Variants in RHCE observed in about 807,000 individuals in gnomAD.
The protein encoded by RHCE is Rh blood group CcEe antigens.
In RHCE, 22 loss-of-function variants were observed where a neutral mutation model predicts 43.8. The ratio of observed to expected loss-of-function variants is 0.50; its 90% CI spans 0.36 to 0.72. The LOEUF (loss-of-function observed/expected upper bound fraction) is 0.72. Ranked by LOEUF, RHCE falls within the 30% of genes least tolerant of loss-of-function variation. RHCE has a pLI of 0.00. For synonymous variants in RHCE, 156 were observed against 210.7 expected (o/e 0.74, Z 2.25); for missense variants, 385 against 525.4 (o/e 0.73, Z 2.61).
At chr1:25,393,597 G>A (rs679429) in intron 3 of RHCE, among the ~76,000 whole-genome samples, 90,813 of 151,208 alleles carry the variant, frequency 0.6, 27,370 homozygotes, top group Admixed American at 0.69. Context: ...CTCCAGCTTC[G>A]GCGACAGAGT....
upstream of RHCE, among the ~76,000 whole-genome samples, chr1:25,424,648 A>G (rs894133986): frequency 6.6e-6 from 1 of 151,886 alleles, no homozygotes; most frequent in African/African-American, 2.4e-5. Context: ...TCGAACTCCC[A>G]AAGTGCTGGG....
intron 4 of RHCE, among the ~76,000 whole-genome samples, chr1:25,391,503 T>G (rs1646362900): frequency 6.6e-6 from 1 of 152,048 alleles, no homozygotes; most frequent in South Asian, 2.1e-4. Flanking sequence ...CTTATTTTTT[T>G]TTTTTTAATG....
At chr1:25,425,382 G>A (rs1378425052), upstream of RHCE, among the ~76,000 whole-genome samples, 2 of 152,166 alleles carry the variant, frequency 1.3e-5, no homozygotes, top group Non-Finnish European at 2.9e-5. Context: ...GGAAACTGCT[G>A]CTCAGAGAGG....
rs1196388186 is a variant in RHCE at position 25,385,809 on chromosome 1, G to A, written c.975C>T (p.Ile325=). The A allele has an allele frequency of 6.2e-7, 1 of 1,614,056 alleles. No individual in the cohort carries two copies. Among genetic ancestry groups the A allele is most frequent in the Admixed American group, 1.7e-5 (1 of 60,016 alleles). The change falls in exon 7 of 10, where the codon ATC becomes ATT. Residue 325 remains isoleucine, a synonymous_variant. Coordinates refer to ENST00000294413, the MANE Select transcript of RHCE (RefSeq NM_020485.8). ...CCNRVLGIHH[I]SVMHSIFSLL... Reference sequence around the variant, plus strand: ...AGCTGAAGATGGAGTGCATGACGGAGATGTGGTGAATCCCCAGCACTCGGT... The same window carrying A: ...AGCTGAAGATGGAGTGCATGACGGAAATGTGGTGAATCCCCAGCACTCGGT...
intron 9 of RHCE, among the ~76,000 whole-genome samples, chr1:25,370,141 T>A (rs1645564112): frequency 6.6e-6 from 1 of 151,576 alleles, no homozygotes; most frequent in Non-Finnish European, 1.5e-5. Context: ...CATTGCGGGG[T>A]TCTGTCACCC....
At chr1:25,424,905 C>T (rs1248156301), upstream of RHCE, among the ~76,000 whole-genome samples, 1 of 151,968 alleles carries the variant, frequency 6.6e-6, no homozygotes, top group Non-Finnish European at 1.5e-5. Context: ...CAACTTCTGC[C>T]TTTTAGGTTC....
chr1:25,412,328 G>A (rs1647106919), intron 1 of RHCE, among the ~76,000 whole-genome samples: 1 of 152,132 alleles, frequency 6.6e-6, no homozygotes. Flanking sequence ...TACTCTCTAA[G>A]GCTTTTACAG....
At chr1:25,412,730 A>AT (rs1557640657) in intron 1 of RHCE, among the ~76,000 whole-genome samples, 96 of 149,360 alleles carry the variant, frequency 6.4e-4, no homozygotes, top group African/African-American at 2.1e-3. Flanking sequence ...AAAAAAAAAA[A>AT]AAAAAAAAAA....
chr1:25,370,950 T>G lies in RHCE; in HGVS notation c.1154-410A>C, dbSNP rs1049332827. Reference sequence around the variant, plus strand: ...TTTTTTTTTTTTAGTAGGATGGGGTTTCACCATGTTGGCCAGGCTGGTCTC... The same window carrying G: ...TTTTTTTTTTTTAGTAGGATGGGGTGTCACCATGTTGGCCAGGCTGGTCTC... On this transcript the variant is annotated intron_variant, in intron 8 of 9. Coordinates refer to ENST00000294413, the MANE Select transcript of RHCE (RefSeq NM_020485.8). Among the ~76,000 whole-genome samples the G allele has an allele frequency of 7.0e-4, 105 of 149,286 alleles. 3 individuals carry two copies. The highest frequency in any genetic ancestry group is 2.5e-3 in the African/African-American group (98 of 39,854).
intron 9 of RHCE, among the ~76,000 whole-genome samples, chr1:25,369,683 C>G (rs1645545166): frequency 6.7e-6 from 1 of 149,576 alleles, no homozygotes; most frequent in Non-Finnish European, 1.5e-5. Context: ...TATCATTTAT[C>G]AAGAGCTGTG....
chr1:25,420,318 A>G lies in RHCE; in HGVS notation c.148+321T>C, dbSNP rs1737346. ...AAAAATAAAAAAAATCCTTGCCACT[A>G]AGGAGAGAGAAGGGGAAGCAGAGAA... On this transcript the variant is annotated intron_variant, in intron 1 of 9. Coordinates refer to ENST00000294413, the MANE Select transcript of RHCE (RefSeq NM_020485.8). Among the ~76,000 whole-genome samples, 6 of 152,294 alleles carry G rather than the reference A, an allele frequency of 3.9e-5. No individual in the cohort carries two copies. The East Asian group carries it at 7.7e-4, about 20-fold the overall frequency.
chr1:25,426,256 G>GT (rs533929851), intron 2 of RHCE, among the ~76,000 whole-genome samples: 6 of 152,220 alleles, frequency 3.9e-5, no homozygotes, highest in Non-Finnish European at 7.3e-5. Flanking sequence ...CCAGCACTAT[G>GT]TTTTGAGTGT....
chr1:25,379,493 ATATT>A (rs1645923849), intron 7 of RHCE, among the ~76,000 whole-genome samples: 1 of 17,906 alleles, frequency 5.6e-5, no homozygotes, highest in Non-Finnish European at 7.6e-5. Context: ...ATATATATAT[ATATT>A]TTTTTTTTTT....
upstream of RHCE, among the ~76,000 whole-genome samples, chr1:25,421,139 A>G (rs2042754686): frequency 6.6e-6 from 1 of 152,216 alleles, no homozygotes. Flanking sequence ...ATATCCTTGT[A>G]AGAAAAGCAA....
At chr1:25,373,484 A>G (rs767584341) in intron 8 of RHCE, among the ~76,000 whole-genome samples, 2 of 151,776 alleles carry the variant, frequency 1.3e-5, no homozygotes, top group Non-Finnish European at 1.5e-5. Context: ...GCTTCTTCAC[A>G]CAGACTCTGC....
intron 8 of RHCE, among the ~76,000 whole-genome samples, chr1:25,373,316 G>A (rs774903261): frequency 9.9e-5 from 15 of 151,660 alleles, no homozygotes; most frequent in Non-Finnish European, 1.6e-4. Context: ...TGAGTCCCAG[G>A]ACAGGGTTGC....
At chr1:25,370,921 T>A (rs2124306345) in intron 8 of RHCE, among the ~76,000 whole-genome samples, 1 of 148,102 alleles carries the variant, frequency 6.8e-6, no homozygotes, top group East Asian at 2.0e-4. Flanking sequence ...GCTAATTTTT[T>A]TTTTTTTTTT....
chr1:25,420,759 G>C lies in RHCE; in HGVS notation c.28C>G (p.Arg10Gly), dbSNP rs749601047. MSSKYPRSV[R>G]RCLPLCALTL... ...AGGGCGCAGAGGGGCAGGCAGCGCC[G>C]GACAGACCGCGGGTACTTAGAGCTC... The change falls in exon 1 of 10, where the codon CGG becomes GGG. Residue 10 changes from arginine (R) to glycine (G), a missense_variant. Around this residue, in one of 6 missense-constraint regions of RHCE, gnomAD observed 110 missense variants for 192.1 expected, o/e 0.57. Coordinates refer to ENST00000294413, the MANE Select transcript of RHCE (RefSeq NM_020485.8). The C allele has an allele frequency of 6.2e-7, 1 of 1,609,140 alleles. No individual in the cohort carries two copies. The highest frequency in any genetic ancestry group is 2.2e-5 in the East Asian group (1 of 44,826).
At chr1:25,393,758 G>C (rs1228442696) in intron 3 of RHCE, among the ~76,000 whole-genome samples, 1 of 151,924 alleles carries the variant, frequency 6.6e-6, no homozygotes, top group Admixed American at 6.6e-5. Flanking sequence ...CTGACCTCTC[G>C]GGCGTCACCT....
Sources: allele counts gnomAD v4.1 joint callset (sites outside exome capture counted in the v4.1 genomes callset), GRCh38; gene constraint gnomAD v4.1.1; regional missense constraint gnomAD v4.1.1; transcripts MANE v1.5; gene names NCBI Gene and HGNC (gene_info 2026-07-23, HGNC 2026-07-21).